The following CPSF4 variants were observed in gnomAD, a reference collection of about 807,000 sequenced individuals.
CPSF4 encodes the protein cleavage and polyadenylation specificity factor subunit 4.
A neutral mutation model predicts 37.7 loss-of-function variants in CPSF4; 11 were observed. The observed-to-expected ratio is 0.29, with a 90% CI of 0.18 to 0.48. The LOEUF is 0.48. Ranked by LOEUF, CPSF4 falls within the 20% of genes least tolerant of loss-of-function variation. CPSF4 has a pLI of 0.99. For synonymous variants in CPSF4, 132 were observed against 135.9 expected (o/e 0.97, Z 0.20); for missense variants, 144 against 359.5 (o/e 0.40, Z 4.85).
intron 4 of CPSF4, 165 bp from the exon 5 acceptor site, chr7:99,450,537 G>A: frequency 1.3e-6 from 1 of 748,326 alleles, no homozygotes; most frequent in Admixed American, 2.4e-5. Context: ...CAAGAATGCT[G>A]GGTGGGTGGT....
Position 99,456,989 on chromosome 7 carries a change from G to A in CPSF4, c.*489G>A, listed in dbSNP as rs1332733159. ...TGATTTGAATGAGGGAGCCCTTTGGGGCAAATTCAGGTGCCCCCATTGCCT... is the reference window on the plus strand; with the variant it reads ...TGATTTGAATGAGGGAGCCCTTTGGAGCAAATTCAGGTGCCCCCATTGCCT... On this transcript the variant is annotated 3_prime_UTR_variant, in exon 8 of 8. Transcript: ENST00000292476. The A allele has an allele frequency of 3.8e-6, 1 of 262,618 alleles. No individual in the cohort carries two copies. Among genetic ancestry groups the A allele is most frequent in the Non-Finnish European group, 7.6e-6 (1 of 131,210 alleles). 16.3% of individuals were successfully genotyped at this position (262,618 alleles called of 1,614,324 possible).
intron 1 of CPSF4, chr7:99,443,411 T>G: frequency 6.9e-7 from 1 of 1,451,854 alleles, no homozygotes; most frequent in Non-Finnish European, 9.7e-7. Context: ...CTTGCTTTAT[T>G]CCCTTGGTCT....
At chr7:99,443,671 C>A (rs1398787062) in intron 1 of CPSF4, among the ~76,000 whole-genome samples, 1 of 152,164 alleles carries the variant, frequency 6.6e-6, no homozygotes, top group Non-Finnish European at 1.5e-5. Flanking sequence ...ATAATCCCAG[C>A]ACTTTGGGAG....
chr7:99,446,616 TTTTA>T lies in CPSF4; in HGVS notation c.155-1504_155-1501del, dbSNP rs1352792166. Among the ~76,000 whole-genome samples, 3 of 151,392 alleles carry T rather than the reference TTTTA, an allele frequency of 2.0e-5. No homozygotes were observed. In the East Asian group the frequency reaches 5.8e-4, roughly 29 times the overall value. The stretch of plus-strand genomic sequence containing the variant: ...AAATTGGTCTTTCCTTTTTTTTTTT[TTTTA>T]AAAAAGAGGCAGCATCTTACTCTGT... On this transcript the variant is annotated intron_variant, in intron 2 of 7. Coordinates refer to ENST00000292476, the MANE Select transcript of CPSF4 (RefSeq NM_006693.4).
At position 99,453,885 on chromosome 7, in the gene CPSF4, G is replaced by A. The variant is rs999293594; in HGVS notation, c.571-81G>A. 52 of 1,381,066 alleles carry A rather than the reference G, an allele frequency of 3.8e-5. No individual in the cohort carries two copies. In the African/African-American group the frequency reaches 4.7e-4, roughly 13 times the overall value. 85.6% of individuals were successfully genotyped at this position (1,381,066 alleles called of 1,614,324 possible). A position where few individuals can be genotyped will look rare whatever the true frequency, so the allele number is the denominator to read the frequency against. Reference sequence around the variant, plus strand: ...TCCTGCCGTTTGCGGGACGAGTCCCGCCCTCTTTTTTCCTGTCCCCATCGG... The same window carrying A: ...TCCTGCCGTTTGCGGGACGAGTCCCACCCTCTTTTTTCCTGTCCCCATCGG... On this transcript the variant is annotated intron_variant, in intron 6 of 7. Coordinates refer to ENST00000292476, the MANE Select transcript of CPSF4 (RefSeq NM_006693.4). This position sits in a 1 kb window ranked among gnomAD's most constrained non-coding sequence, Gnocchi z 4.7.
rs1030482636 is a variant in CPSF4, at chr7:99,447,815, C to A, written c.155-306C>A. On this transcript the variant is annotated intron_variant, in intron 2 of 7. Transcript: ENST00000292476. ...CGTGACAGCCAGGATGGTCTCCGTG[C>A]CAGCCAGGATGGTCTCGATCTCCTG... 4.8e-5 allele frequency: 23 copies of A among 476,474 alleles called. No homozygotes were observed. In the East Asian group the frequency reaches 5.3e-4, roughly 11 times the overall value. 29.5% of individuals were successfully genotyped at this position (476,474 alleles called of 1,614,324 possible). A position where few individuals can be genotyped will look rare whatever the true frequency, so the allele number is the denominator to read the frequency against.
chr7:99,440,569 T>G (rs1284206870), intron 1 of CPSF4, among the ~76,000 whole-genome samples: 1 of 149,932 alleles, frequency 6.7e-6, no homozygotes, highest in Non-Finnish European at 1.5e-5. Context: ...TTTCCCAGGG[T>G]TGGTCTTGAA....
chr7:99,449,516 A>AGCCCTGGTGCAGGACGCACT (rs1797790908), intron 3 of CPSF4, among the ~76,000 whole-genome samples: 1 of 152,230 alleles, frequency 6.6e-6, no homozygotes, highest in Admixed American at 6.5e-5. Context: ...CCTTGCTGAC[A>AGCCCTGGTGCAGGACGCACT]GCCCTGGTGC....
intron 1 of CPSF4, chr7:99,442,832 A>T: frequency 1.1e-6 from 1 of 919,314 alleles, no homozygotes; most frequent in Non-Finnish European, 1.8e-6. Context: ...GACCAAGAAG[A>T]ATGAGAGAAG....
rs1045099774 is a variant in CPSF4, at chr7:99,451,450, C to A, written c.497+655C>A. 4.6e-5 allele frequency among the ~76,000 whole-genome samples: 7 copies of A among 152,276 alleles called. No homozygotes were observed. The South Asian group carries it at 1.4e-3, about 32-fold the overall frequency. On this transcript the variant is annotated intron_variant, in intron 5 of 7. Coordinates refer to ENST00000292476, the MANE Select transcript of CPSF4 (RefSeq NM_006693.4). ...TGAAACCCCGTCTCTACTAAAAATA[C>A]AAAAATTAGCCAGGTGTAGCGGCGC...
intron 2 of CPSF4, among the ~76,000 whole-genome samples, chr7:99,447,266 T>C (rs1797589848): frequency 8.6e-6 from 1 of 115,644 alleles, no homozygotes; most frequent in Non-Finnish European, 1.6e-5. Context: ...TTTCTTTTTT[T>C]TTTTCTTTTT....
chr7:99,439,290 T>C (rs1485908554), intron 1 of CPSF4, 105 bp downstream of exon 1: 8 of 768,328 alleles, frequency 1.0e-5, no homozygotes, highest in Non-Finnish European at 1.4e-5. Context: ...CTCCCCCGGC[T>C]TCCTCTGGAT....
intron 1 of CPSF4, 67 bp downstream of exon 1, chr7:99,439,252 C>T (rs1414963478): frequency 2.5e-6 from 3 of 1,219,802 alleles, no homozygotes; most frequent in South Asian, 1.4e-5. Flanking sequence ...TCTGTGATCC[C>T]GGGACTCCCT....
intron 1 of CPSF4, among the ~76,000 whole-genome samples, chr7:99,441,195 C>T (rs1029725811): frequency 3.3e-5 from 5 of 152,124 alleles, no homozygotes; most frequent in African/African-American, 1.2e-4. Flanking sequence ...AAATGATCCA[C>T]CTGCCTCGGC....
chr7:99,456,339 T>C (rs1299010930), intron 7 of CPSF4, 93 bp from the exon 8 acceptor site: 1 of 1,086,156 alleles, frequency 9.2e-7, no homozygotes, highest in Middle Eastern at 2.0e-4. Flanking sequence ...GGTGGATGAT[T>C]TGGGATTTGG....
At chr7:99,447,853 G>A (rs1262883397) in intron 2 of CPSF4, 16 of 515,814 alleles carry the variant, frequency 3.1e-5, no homozygotes, top group East Asian at 4.7e-5. Context: ...CTTGTGATCC[G>A]CCCACCTCGG....
At chr7:99,452,884 G>A (rs1480800732) in intron 6 of CPSF4, 1 of 165,582 alleles carries the variant, frequency 6.0e-6, no homozygotes, top group Non-Finnish European at 1.3e-5. Context: ...GAGCAGGTGT[G>A]GCAGCAGAAC....
chr7:99,449,501 T>G (rs939514360), intron 3 of CPSF4, among the ~76,000 whole-genome samples: 1 of 152,216 alleles, frequency 6.6e-6, no homozygotes, highest in Non-Finnish European at 1.5e-5. Flanking sequence ...TGAGGGTCGC[T>G]CCTTCCTTGC....
At chr7:99,452,711 G>T in intron 6 of CPSF4, 1 of 417,744 alleles carries the variant, frequency 2.4e-6, no homozygotes, top group Non-Finnish European at 4.4e-6. Flanking sequence ...TTGTGAGATG[G>T]GGCTAACCTG....
Sources: gnomAD v4.1 joint callset for allele counts (sites outside exome capture counted in the v4.1 genomes callset) on GRCh38, gnomAD v4.1.1 for gene constraint, Gnocchi (gnomAD v3.1) non-coding constraint, MANE v1.5 for transcripts, NCBI Gene and HGNC (gene_info 2026-07-23, HGNC 2026-07-21) for gene names.